The following RNF144A variants were observed in gnomAD, a reference collection of about 807,000 sequenced individuals.
RNF144A encodes the protein E3 ubiquitin-protein ligase RNF144A.
Under a neutral mutation model 38.7 loss-of-function variants are expected in RNF144A, and 11 were observed. That is an observed-to-expected ratio of 0.28 (90% confidence interval 0.18 to 0.47). The LOEUF is 0.47. Ranked by LOEUF, RNF144A falls within the 20% of genes least tolerant of loss-of-function variation. RNF144A has a pLI of 0.99. For missense variants in RNF144A, 316 were observed against 377.2 expected, an observed-to-expected ratio of 0.84 and a Z score of 1.34; for synonymous variants, 149 against 143.9, an observed-to-expected ratio of 1.04 and a Z score of -0.25.
intron 2 of RNF144A, among the ~76,000 whole-genome samples, chr2:6,953,284 A>T (rs10199111): frequency 0.012 from 1,822 of 151,964 alleles, 41 homozygotes; most frequent in African/African-American, 0.042. Context: ...CAAAAATTAG[A>T]GCGGCATGGT....
intron 3 of RNF144A, among the ~76,000 whole-genome samples, chr2:7,004,810 G>A (rs752708001): frequency 3.3e-5 from 5 of 152,180 alleles, no homozygotes; most frequent in African/African-American, 7.2e-5. Context: ...ACTGTGTGGC[G>A]GTTGTGTTCC....
At chr2:7,067,241 C>T (rs1415743497) in intron 6 of RNF144A, among the ~76,000 whole-genome samples, 3 of 152,182 alleles carry the variant, frequency 2.0e-5, no homozygotes, top group African/African-American at 7.2e-5. Context: ...CAACCACACT[C>T]CAGACTAATA....
intron 5 of RNF144A, among the ~76,000 whole-genome samples, chr2:7,019,258 G>A (rs1163422283): frequency 1.3e-5 from 2 of 152,190 alleles, no homozygotes; most frequent in African/African-American, 2.4e-5. Context: ...TTACACATAC[G>A]TATGCGTGTG....
intron 1 of RNF144A, among the ~76,000 whole-genome samples, chr2:6,936,549 A>G (rs1037368886): frequency 6.6e-5 from 10 of 152,216 alleles, no homozygotes; most frequent in African/African-American, 2.4e-4. Flanking sequence ...GAGTCATCTT[A>G]CATAATCTTA....
At position 6,958,535 on chromosome 2, in the gene RNF144A, C is replaced by T. The variant is rs1667144587; in HGVS notation, c.-12+17388C>T. Among the ~76,000 whole-genome samples the T allele has an allele frequency of 6.6e-6, 1 of 152,132 alleles. No individual in the cohort carries two copies. Among genetic ancestry groups the T allele is most frequent in the South Asian group, 2.1e-4 (1 of 4,820 alleles). On this transcript the variant is annotated intron_variant, in intron 2 of 8. Coordinates refer to ENST00000320892, the MANE Select transcript of RNF144A (RefSeq NM_014746.6). The surrounding 1 kb of genome is among the most constrained non-coding windows in gnomAD (Gnocchi z 4.5). ...TTTCGTTCTTGGTGGAGCGCTGGCT[C>T]CTTCTGGGAGTTACAAATGTTGGGC... is the stretch of plus-strand genomic sequence containing the variant.
intron 2 of RNF144A, among the ~76,000 whole-genome samples, chr2:6,978,066 C>T (rs773980529): frequency 1.1e-4 from 17 of 152,244 alleles, no homozygotes; most frequent in Non-Finnish European, 2.2e-4. Flanking sequence ...ACTCCTCATC[C>T]TCAACAGGGG....
At chr2:6,933,773 G>A (rs1665366085) in intron 1 of RNF144A, among the ~76,000 whole-genome samples, 1 of 151,708 alleles carries the variant, frequency 6.6e-6, no homozygotes, top group African/African-American at 2.4e-5. Flanking sequence ...TTTGTAGTGT[G>A]ACTTTTTCTT....
At chr2:7,017,643 A>G (rs926080746) in intron 5 of RNF144A, among the ~76,000 whole-genome samples, 1 of 152,244 alleles carries the variant, frequency 6.6e-6, no homozygotes, top group Admixed American at 6.5e-5. Context: ...TCTGCCATGA[A>G]TACGCCTCTG....
intron 1 of RNF144A, among the ~76,000 whole-genome samples, chr2:6,922,000 T>TA (rs1452463318): frequency 6.6e-6 from 1 of 152,212 alleles, no homozygotes; most frequent in African/African-American, 2.4e-5. Context: ...CCGTGTGTAA[T>TA]ACAGCCGCTT....
chr2:7,067,885 C>G (rs544222782), intron 6 of RNF144A, among the ~76,000 whole-genome samples: 2 of 152,262 alleles, frequency 1.3e-5, no homozygotes, highest in Non-Finnish European at 1.5e-5. Flanking sequence ...CAATATATGA[C>G]CAAGTTTCTC....
At chr2:6,991,219 A>G (rs771267) in intron 2 of RNF144A, among the ~76,000 whole-genome samples, 89,381 of 151,976 alleles carry the variant, frequency 0.59, 26,851 homozygotes, top group Non-Finnish European at 0.64. Context: ...GAAATAGTTA[A>G]GTTTTTATCA....
intron 2 of RNF144A, among the ~76,000 whole-genome samples, chr2:6,949,242 G>A (rs1288829722): frequency 1.3e-5 from 2 of 152,146 alleles, no homozygotes; most frequent in African/African-American, 4.8e-5. Context: ...CACTATGTGA[G>A]TAAGTCAACT....
At chr2:7,016,357 G>T (rs1039979997) in intron 5 of RNF144A, among the ~76,000 whole-genome samples, 1 of 152,104 alleles carries the variant, frequency 6.6e-6, no homozygotes, top group African/African-American at 2.4e-5. Context: ...ATATTTTCCA[G>T]AGAGAATCTT....
chr2:7,027,103 T>A (rs1190187139), intron 7 of RNF144A, among the ~76,000 whole-genome samples: 1 of 152,184 alleles, frequency 6.6e-6, no homozygotes, highest in Non-Finnish European at 1.5e-5. Flanking sequence ...AGCTTTTCTC[T>A]CCTGTTTCCC....
At chr2:7,075,420 C>T in the RNF144A span, among the ~76,000 whole-genome samples, 2 of 152,046 alleles carry the variant, frequency 1.3e-5, no homozygotes, top group Non-Finnish European at 2.9e-5. Flanking sequence ...CCCAAAATTT[C>T]GTGTGTTGGA....
intron 2 of RNF144A, among the ~76,000 whole-genome samples, chr2:6,947,723 A>G (rs1666429223): frequency 6.6e-6 from 1 of 152,190 alleles, no homozygotes; most frequent in Non-Finnish European, 1.5e-5. Flanking sequence ...TTTAAGCCAA[A>G]AAAAGGGACA....
At chr2:6,984,544 C>T (rs983035537) in intron 2 of RNF144A, among the ~76,000 whole-genome samples, 45 of 152,252 alleles carry the variant, frequency 3.0e-4, no homozygotes, top group African/African-American at 7.0e-4. Context: ...CCTCATGATC[C>T]GCCCGCCTCA....
chr2:6,994,818 C>T (rs1406011040), intron 2 of RNF144A, among the ~76,000 whole-genome samples: 4 of 152,214 alleles, frequency 2.6e-5, no homozygotes, highest in South Asian at 2.1e-4. Context: ...CCTCCAGCTG[C>T]GGCCCACTCC....
At chr2:6,934,962 A>C (rs1475945937) in intron 1 of RNF144A, among the ~76,000 whole-genome samples, 1 of 152,208 alleles carries the variant, frequency 6.6e-6, no homozygotes, top group African/African-American at 2.4e-5. Flanking sequence ...ACTCAAAAAA[A>C]AGAAAAAAAC....
Sources: gnomAD v4.1 joint callset for allele counts (sites outside exome capture counted in the v4.1 genomes callset) on GRCh38, gnomAD v4.1.1 for gene constraint, Gnocchi (gnomAD v3.1) non-coding constraint, MANE v1.5 for transcripts, NCBI Gene and HGNC (gene_info 2026-07-23, HGNC 2026-07-21) for gene names.